CACNG3: variants seen among roughly 807,000 people sequenced by gnomAD.
The protein encoded by CACNG3 is calcium voltage-gated channel auxiliary subunit gamma 3, also known as voltage-dependent calcium channel gamma-3 subunit.
Under a neutral mutation model 28.5 loss-of-function variants are expected in CACNG3, and 3 were observed. The observed-to-expected ratio is 0.11, with a 90% CI of 0.05 to 0.27. The LOEUF is 0.27. CACNG3 is among the 10% of genes least tolerant of loss of function. The pLI is 1.00. For missense variants in CACNG3, 236 were observed against 414.4 expected, an observed-to-expected ratio of 0.57 and a Z score of 3.74; for synonymous variants, 174 against 162.2, an observed-to-expected ratio of 1.07 and a Z score of -0.55.
At chr16:24,321,104 G>A (rs1899450160) in intron 1 of CACNG3, among the ~76,000 whole-genome samples, 1 of 152,134 alleles carries the variant, frequency 6.6e-6, no homozygotes. Flanking sequence ...CACCCAGGAT[G>A]TGAATCCTCC....
intron 1 of CACNG3, among the ~76,000 whole-genome samples, chr16:24,300,081 A>G (rs1393001076): frequency 6.6e-6 from 1 of 152,222 alleles, no homozygotes; most frequent in Middle Eastern, 3.2e-3. Context: ...CCACTTTGAT[A>G]ACCAGAGACC....
intron 1 of CACNG3, among the ~76,000 whole-genome samples, chr16:24,297,383 G>A (rs62029013): frequency 0.22 from 33,408 of 152,064 alleles, 3,956 homozygotes; most frequent in Non-Finnish European, 0.27. Flanking sequence ...CTGCTCTGGG[G>A]ATCCTAATGG....
intron 2 of CACNG3, among the ~76,000 whole-genome samples, chr16:24,351,906 C>T (rs1408619217): frequency 6.7e-6 from 1 of 150,028 alleles, no homozygotes; most frequent in Admixed American, 6.6e-5. Flanking sequence ...TCTGCCTCCT[C>T]CCGGGTTCAC....
At chr16:24,347,435 G>A (rs767888574) in intron 2 of CACNG3, among the ~76,000 whole-genome samples, 33 of 152,180 alleles carry the variant, frequency 2.2e-4, no homozygotes, top group Non-Finnish European at 4.1e-4. Context: ...AGTCAAAACT[G>A]AAAGGTTCTT....
chr16:24,316,291 C>A (rs1899351159), intron 1 of CACNG3, among the ~76,000 whole-genome samples: 1 of 118,360 alleles, frequency 8.4e-6, no homozygotes, highest in Admixed American at 9.4e-5. Context: ...GGCAGCAGCC[C>A]TCCCCATTGT....
At chr16:24,316,711 C>A (rs1033168328) in intron 1 of CACNG3, among the ~76,000 whole-genome samples, 4 of 152,256 alleles carry the variant, frequency 2.6e-5, no homozygotes, top group Admixed American at 6.5e-5. Flanking sequence ...CTGACCCAGG[C>A]TGTCCCTTCC....
intron 1 of CACNG3, among the ~76,000 whole-genome samples, chr16:24,330,114 G>C (rs1018338018): frequency 6.6e-6 from 1 of 152,210 alleles, no homozygotes; most frequent in African/African-American, 2.4e-5. Context: ...GCCACGCAAT[G>C]AGCATCCCTC....
At chr16:24,346,623 T>C (rs1424342402) in intron 1 of CACNG3, 111 bp from the exon 2 acceptor site, 3 of 729,092 alleles carry the variant, frequency 4.1e-6, no homozygotes, top group Non-Finnish European at 2.4e-6. Flanking sequence ...CCAACAACCC[T>C]ACAGCCCCCA....
intron 3 of CACNG3, among the ~76,000 whole-genome samples, chr16:24,357,605 G>T (rs1366548353): frequency 6.6e-6 from 1 of 152,194 alleles, no homozygotes; most frequent in Non-Finnish European, 1.5e-5. Flanking sequence ...ACCAGAAAGA[G>T]AACTGCCATC....
intron 1 of CACNG3, among the ~76,000 whole-genome samples, chr16:24,291,415 A>G (rs951151110): frequency 6.6e-6 from 1 of 152,192 alleles, no homozygotes; most frequent in Admixed American, 6.5e-5. Context: ...CAAACTTTCA[A>G]GTGCAGCGAT....
chr16:24,346,991 CT>C (rs1899878502), intron 2 of CACNG3, among the ~76,000 whole-genome samples, 174 bp downstream of exon 2: 1 of 151,974 alleles, frequency 6.6e-6, no homozygotes, highest in Non-Finnish European at 1.5e-5. Context: ...AGCTAAGCCT[CT>C]TTAGTTTCAA....
intron 3 of CACNG3, among the ~76,000 whole-genome samples, chr16:24,360,202 C>T (rs1192123898): frequency 6.6e-6 from 1 of 152,106 alleles, no homozygotes; most frequent in East Asian, 1.9e-4. Context: ...CTCCATGAGT[C>T]ATTGTTGGCA....
At chr16:24,356,418 G>A (rs1299188217) in intron 3 of CACNG3, among the ~76,000 whole-genome samples, 2 of 152,174 alleles carry the variant, frequency 1.3e-5, no homozygotes, top group Non-Finnish European at 2.9e-5. Context: ...AGTACCAACT[G>A]CAGCTGGGCT....
At chr16:24,296,846 T>C (rs571044861) in intron 1 of CACNG3, among the ~76,000 whole-genome samples, 7 of 152,294 alleles carry the variant, frequency 4.6e-5, no homozygotes, top group Middle Eastern at 3.4e-3. Flanking sequence ...CTGCCAGTTA[T>C]TTTGGGTGTG....
chr16:24,257,426 A>ATC (rs1347833724), intron 1 of CACNG3, among the ~76,000 whole-genome samples: 13 of 119,396 alleles, frequency 1.1e-4, no homozygotes, highest in Non-Finnish European at 2.1e-4. Flanking sequence ...AGAGAGAGAG[A>ATC]GATCCTGACC....
intron 1 of CACNG3, among the ~76,000 whole-genome samples, chr16:24,313,438 G>A (rs1466305743): frequency 6.6e-6 from 1 of 152,150 alleles, no homozygotes; most frequent in African/African-American, 2.4e-5. Context: ...GTTGTCTCAA[G>A]AGTTCCTTTC....
Position 24,287,062 on chromosome 16 carries a change from C to T in CACNG3, c.211+30097C>T, listed in dbSNP as rs181846743. On this transcript the variant is annotated intron_variant, in intron 1 of 3. Coordinates refer to ENST00000005284, the MANE Select transcript of CACNG3 (RefSeq NM_006539.4). ...GATGGGATGGCATGCTTGCTTGCTC[C>T]TGCAAACAACTCAGAAGCTAGCTTT... Among the ~76,000 whole-genome samples, 58 of 152,346 alleles carry T rather than the reference C, an allele frequency of 3.8e-4. 1 individual carries two copies. The highest frequency in any genetic ancestry group is 1.4e-3 in the African/African-American group (58 of 41,582).
rs148917285 is a variant in CACNG3 at position 24,269,104 on chromosome 16, G to T, written c.211+12139G>T. ...AATGGGCAGCTAGGCTAAGATTTGG[G>T]CAGGCAAGACCCAACACCATCTATC... On this transcript the variant is annotated intron_variant, in intron 1 of 3. Transcript: ENST00000005284. Among the ~76,000 whole-genome samples, 360 of 152,248 alleles carry T rather than the reference G, an allele frequency of 2.4e-3. 1 individual carries two copies. Among genetic ancestry groups the T allele is most frequent in the African/African-American group, 8.0e-3 (332 of 41,530 alleles).
At chr16:24,311,852 AAAAT>A (rs1469480707) in intron 1 of CACNG3, among the ~76,000 whole-genome samples, 2 of 152,388 alleles carry the variant, frequency 1.3e-5, no homozygotes, top group South Asian at 2.1e-4. Flanking sequence ...TCCATCTCAA[AAAAT>A]AAATAAACAA....
Sources: gnomAD v4.1 joint callset for allele counts (sites outside exome capture counted in the v4.1 genomes callset) on GRCh38, gnomAD v4.1.1 for gene constraint, MANE v1.5 for transcripts, NCBI Gene and HGNC (gene_info 2026-07-23, HGNC 2026-07-21) for gene names.